MAN1A2: variants seen among roughly 807,000 people sequenced by gnomAD.
MAN1A2 encodes mannosyl-oligosaccharide 1,2-alpha-mannosidase IB.
MAN1A2 carries 26 observed loss-of-function variants against 75.7 expected under a neutral mutation model. That is an observed-to-expected ratio of 0.34 (90% CI 0.25 to 0.48). The LOEUF (loss-of-function observed/expected upper bound fraction) is 0.48. Among genes scored for constraint, MAN1A2 ranks in the 20% least tolerant of loss-of-function variants. The pLI, the probability that MAN1A2 is intolerant of heterozygous loss-of-function variation, is 0.99. For synonymous variants in MAN1A2, 247 were observed against 264.6 expected (o/e 0.93, Z 0.65); for missense variants, 562 against 775.5 (o/e 0.72, Z 3.27).
At chr1:117,422,594 C>T (rs1318155996) in intron 5 of MAN1A2, among the ~76,000 whole-genome samples, 1 of 151,926 alleles carries the variant, frequency 6.6e-6, no homozygotes, top group Non-Finnish European at 1.5e-5. Context: ...TTGTGAGTCT[C>T]TTTATTATTG....
intron 1 of MAN1A2, among the ~76,000 whole-genome samples, chr1:117,392,169 T>C (rs889401547): frequency 6.6e-6 from 1 of 152,122 alleles, no homozygotes; most frequent in Admixed American, 6.5e-5. Flanking sequence ...TGAAGTTCTT[T>C]AGTGCCTTGC....
At chr1:117,425,436 T>C (rs1023130690) in intron 5 of MAN1A2, among the ~76,000 whole-genome samples, 2 of 152,170 alleles carry the variant, frequency 1.3e-5, no homozygotes, top group African/African-American at 4.8e-5. Context: ...ATATTGTAGA[T>C]GCAAAAAATT....
intron 5 of MAN1A2, among the ~76,000 whole-genome samples, chr1:117,430,234 C>T (rs1203116891): frequency 9.1e-4 from 110 of 121,390 alleles, no homozygotes; most frequent in South Asian, 1.8e-3. Context: ...CCCTCCCGGA[C>T]GGCACGGCTG....
intron 1 of MAN1A2, among the ~76,000 whole-genome samples, chr1:117,388,681 G>A (rs796816167): frequency 5.3e-5 from 8 of 152,152 alleles, no homozygotes; most frequent in African/African-American, 1.9e-4. Context: ...CTGCCAACAA[G>A]CCCCACCTCC....
intron 1 of MAN1A2, among the ~76,000 whole-genome samples, chr1:117,393,937 A>G (rs1026845142): frequency 2.6e-5 from 4 of 152,200 alleles, no homozygotes; most frequent in South Asian, 2.1e-4. Flanking sequence ...ATGGGACCCA[A>G]TAGATAGGGA....
rs890533494 is a variant in MAN1A2 at position 117,378,737 on chromosome 1, T to G, written c.302+10252T>G. ...CCATGATATTGTTAGAGTTTAAAAC[T>G]CTTTTCCAACCTGCTGTCAATTTGT... On this transcript the variant is annotated intron_variant, in intron 1 of 12. Transcript: ENST00000356554. 8.0e-4 allele frequency among the ~76,000 whole-genome samples: 122 copies of G among 152,188 alleles called. 9 individuals carry two copies. The highest frequency in any genetic ancestry group is 1.5e-5 in the Non-Finnish European group (1 of 68,026).
At chr1:117,501,864 G>T (rs1651212152) in intron 11 of MAN1A2, among the ~76,000 whole-genome samples, 1 of 151,772 alleles carries the variant, frequency 6.6e-6, no homozygotes, top group Non-Finnish European at 1.5e-5. Flanking sequence ...AAGTAACCAT[G>T]CCTTCATTGG....
At chr1:117,402,484 T>C in intron 2 of MAN1A2, 43 bp downstream of exon 2, 3 of 1,520,890 alleles carry the variant, frequency 2.0e-6, no homozygotes, top group Non-Finnish European at 2.7e-6. Context: ...TATGGATTTG[T>C]ATTTGGATAC....
chr1:117,459,589 T>A (rs1273556988), intron 6 of MAN1A2, among the ~76,000 whole-genome samples: 2 of 152,200 alleles, frequency 1.3e-5, no homozygotes, highest in African/African-American at 4.8e-5. Flanking sequence ...TTTAACCTTT[T>A]TAGAAGATAA....
intron 1 of MAN1A2, 26 bp from the exon 2 acceptor site, chr1:117,402,160 C>G (rs377026030): frequency 6.3e-6 from 10 of 1,588,174 alleles, no homozygotes; most frequent in Non-Finnish European, 6.0e-6. Context: ...CTCACTGTTA[C>G]GTTTTATTTC....
chr1:117,394,611 A>G (rs1653849194), intron 1 of MAN1A2, among the ~76,000 whole-genome samples: 1 of 152,220 alleles, frequency 6.6e-6, no homozygotes, highest in African/African-American at 2.4e-5. Context: ...GTGTAAGAGC[A>G]GAAGTGACCA....
chr1:117,444,544 A>G (rs1016602012), intron 6 of MAN1A2, among the ~76,000 whole-genome samples: 2 of 152,190 alleles, frequency 1.3e-5, no homozygotes, highest in South Asian at 2.1e-4. Context: ...GAGAGTCTCT[A>G]AATGTCTGCA....
intron 1 of MAN1A2, among the ~76,000 whole-genome samples, chr1:117,370,263 G>A (rs983759303): frequency 1.3e-5 from 2 of 152,186 alleles, no homozygotes. Flanking sequence ...GATAGCAGGG[G>A]TGGTTTGTGA....
intron 6 of MAN1A2, 103 bp downstream of exon 6, chr1:117,442,428 G>T: frequency 2.9e-6 from 2 of 686,544 alleles, no homozygotes; most frequent in South Asian, 1.8e-5. Context: ...AAGACATATT[G>T]TTTTTCTCTC....
intron 4 of MAN1A2, among the ~76,000 whole-genome samples, chr1:117,418,029 G>A (rs559772439): frequency 4.6e-5 from 7 of 150,714 alleles, no homozygotes; most frequent in African/African-American, 1.7e-4. Flanking sequence ...CTGGGCAACA[G>A]AGTAAGATCC....
intron 8 of MAN1A2, among the ~76,000 whole-genome samples, chr1:117,475,171 G>T (rs926678216): frequency 6.6e-6 from 1 of 151,664 alleles, no homozygotes; most frequent in Non-Finnish European, 1.5e-5. Flanking sequence ...CACTTCTCTC[G>T]GGGAATACTT....
intron 8 of MAN1A2, among the ~76,000 whole-genome samples, chr1:117,467,387 T>C (rs192410715): frequency 6.6e-6 from 1 of 152,256 alleles, no homozygotes; most frequent in East Asian, 1.9e-4. Flanking sequence ...GTACCAAGAA[T>C]AGGAAAACAT....
At chr1:117,482,523 A>G (rs1388786895) in intron 8 of MAN1A2, among the ~76,000 whole-genome samples, 1 of 152,008 alleles carries the variant, frequency 6.6e-6, no homozygotes, top group Non-Finnish European at 1.5e-5. Context: ...ACATATATAT[A>G]TGTCTCAAAA....
At chr1:117,484,110 G>A (rs1220947665) in intron 8 of MAN1A2, among the ~76,000 whole-genome samples, 1 of 151,702 alleles carries the variant, frequency 6.6e-6, no homozygotes, top group Non-Finnish European at 1.5e-5. Flanking sequence ...ACTACTAATA[G>A]CCTACCGTTG....
Sources: allele counts gnomAD v4.1 joint callset (sites outside exome capture counted in the v4.1 genomes callset), GRCh38; gene constraint gnomAD v4.1.1; transcripts MANE v1.5; gene names NCBI Gene and HGNC (gene_info 2026-07-23, HGNC 2026-07-21).